CAPS2: variants seen among roughly 807,000 people sequenced by gnomAD.
CAPS2 encodes calcyphosine 2, also known as calcyphosin-2.
In CAPS2, 98 loss-of-function variants were observed where a neutral mutation model predicts 86.5. The ratio of observed to expected loss-of-function variants is 1.13; its 90% CI spans 0.96 to 1.34. The LOEUF is 1.34. CAPS2 is among the 40% of genes most tolerant of loss of function. The pLI is 0.00. For missense variants in CAPS2, 729 were observed against 686.8 expected (o/e 1.06, Z -0.69); for synonymous variants, 210 against 225.1 (o/e 0.93, Z 0.60).
intron 1 of CAPS2, among the ~76,000 whole-genome samples, chr12:75,382,021 ATCTT>A (rs1445332495): frequency 6.6e-6 from 1 of 152,202 alleles, no homozygotes; most frequent in Non-Finnish European, 1.5e-5. Flanking sequence ...AGTAAAGTCT[ATCTT>A]TCTACCTTTC....
intron 1 of CAPS2, among the ~76,000 whole-genome samples, chr12:75,351,147 G>GA (rs1181078001): frequency 6.6e-6 from 1 of 152,132 alleles, no homozygotes; most frequent in African/African-American, 2.4e-5. Flanking sequence ...CAAGATTAGA[G>GA]AAAAAAGGAA....
intron 1 of CAPS2, among the ~76,000 whole-genome samples, chr12:75,339,651 A>G (rs2041970828): frequency 6.6e-6 from 1 of 152,068 alleles, no homozygotes; most frequent in South Asian, 2.1e-4. Flanking sequence ...TTCATCATGA[A>G]ATATTTGCCC....
At chr12:75,284,526 C>T (rs1008543228) in intron 15 of CAPS2, among the ~76,000 whole-genome samples, 6 of 151,970 alleles carry the variant, frequency 3.9e-5, no homozygotes, top group Middle Eastern at 3.2e-3. Context: ...TAGTCATCAT[C>T]CTAAAACAAA....
intron 7 of CAPS2, among the ~76,000 whole-genome samples, chr12:75,309,112 C>G (rs1261877515): frequency 6.6e-6 from 1 of 152,088 alleles, no homozygotes; most frequent in Non-Finnish European, 1.5e-5. Flanking sequence ...GGAGATGACA[C>G]ACAAGCACAC....
chr12:75,321,608 G>GAA, intron 4 of CAPS2, 32 bp from the exon 5 acceptor site: 1 of 1,430,520 alleles, frequency 7.0e-7, no homozygotes, highest in Non-Finnish European at 9.5e-7. Flanking sequence ...CATGCTATCA[G>GAA]AAAAAAAAAG....
At chr12:75,383,628 G>T (rs909871713) in intron 1 of CAPS2, among the ~76,000 whole-genome samples, 2 of 152,150 alleles carry the variant, frequency 1.3e-5, no homozygotes, top group Admixed American at 6.5e-5. Context: ...TATAGATTCA[G>T]CAGGCAGAAA....
intron 1 of CAPS2, chr12:75,347,496 T>G (rs181927291): frequency 1.4e-4 from 63 of 439,518 alleles, no homozygotes; most frequent in African/African-American, 1.1e-3. Flanking sequence ...AGAAAAAATA[T>G]GTAACTAATA....
At chr12:75,279,190 AC>A in intron 16 of CAPS2, 125 bp from the exon 17 acceptor site, 1 of 893,242 alleles carries the variant, frequency 1.1e-6, no homozygotes, top group Non-Finnish European at 1.7e-6. Context: ...TTGTCAAACT[AC>A]CAGCCAATTT....
intron 8 of CAPS2, among the ~76,000 whole-genome samples, chr12:75,300,480 C>T (rs1276295010): frequency 3.7e-5 from 5 of 135,858 alleles, no homozygotes; most frequent in African/African-American, 1.4e-4. Context: ...GGCGTGAACC[C>T]GGGAGGCGGA....
In CAPS2 at chr12:75,325,306, AC is replaced by A; in HGVS notation, c.82-19del. 1.3e-6 allele frequency: 2 copies of A among 1,516,104 alleles called. No individual in the cohort carries two copies. The highest frequency in any genetic ancestry group is 1.2e-5 in the South Asian group (1 of 81,680). 93.9% of individuals were successfully genotyped at this position (1,516,104 alleles called of 1,614,324 possible). Reference sequence around the variant, plus strand: ...CACCTTTGCTTTAATTAAAAAAAAAACTTTTTGAATCAGTATAAATATGAAT... The same window carrying A: ...CACCTTTGCTTTAATTAAAAAAAAAATTTTTGAATCAGTATAAATATGAAT... On this transcript the variant is annotated intron_variant, in intron 1 of 16. Coordinates refer to ENST00000393284, the Ensembl canonical transcript of CAPS2.
At position 75,374,468 on chromosome 12, in the gene CAPS2, A is replaced by G. The variant is rs151056324; in HGVS notation, c.-395+16370T>C. On this transcript the variant is annotated intron_variant, in intron 1 of 5. Coordinates refer to the CAPS2 transcript ENST00000551829. ...ACAGGCCCCATAGCACTGGACCTCT[A>G]GGAATTTCACTGAAGTAGAAGGTCC... 5.3e-5 allele frequency among the ~76,000 whole-genome samples: 8 copies of G among 152,334 alleles called. No homozygotes were observed. The East Asian group carries it at 1.5e-3, about 29-fold the overall frequency.
chr12:75,313,673 G>A (rs1338525825), intron 6 of CAPS2, among the ~76,000 whole-genome samples: 1 of 152,124 alleles, frequency 6.6e-6, no homozygotes, highest in Admixed American at 6.5e-5. Flanking sequence ...AAAAAATTAA[G>A]AGGTCAAAAT....
At chr12:75,305,916 G>T in intron 7 of CAPS2, 1 of 929,346 alleles carries the variant, frequency 1.1e-6, no homozygotes, top group South Asian at 1.4e-5. Flanking sequence ...TCCACACCAT[G>T]AAGTCTGCGC....
At chr12:75,364,316 G>C (rs953700121) in intron 1 of CAPS2, among the ~76,000 whole-genome samples, 2 of 152,180 alleles carry the variant, frequency 1.3e-5, no homozygotes, top group Admixed American at 1.3e-4. Flanking sequence ...CAGATGGTTG[G>C]GGGGCTTAGA....
chr12:75,358,162 C>T (rs2043279929), intron 1 of CAPS2, among the ~76,000 whole-genome samples: 1 of 151,236 alleles, frequency 6.6e-6, no homozygotes, highest in Non-Finnish European at 1.5e-5. Flanking sequence ...ACAGATTTTA[C>T]AAATATTAAA....
At chr12:75,279,403 C>T (rs1483009872) in intron 16 of CAPS2, among the ~76,000 whole-genome samples, 1 of 151,880 alleles carries the variant, frequency 6.6e-6, no homozygotes, top group African/African-American at 2.4e-5. Context: ...AGAGAATAAA[C>T]AGAGGCCCAT....
intron 15 of CAPS2, 52 bp downstream of exon 15, chr12:75,284,909 A>G: frequency 6.8e-7 from 1 of 1,473,454 alleles, no homozygotes; most frequent in Non-Finnish European, 9.3e-7. Context: ...AAAATACTGA[A>G]CCTAACAATC....
intron 7 of CAPS2, 42 bp from the exon 8 acceptor site, chr12:75,304,918 T>G: frequency 1.3e-6 from 2 of 1,587,834 alleles, no homozygotes; most frequent in Non-Finnish European, 1.7e-6. Context: ...AATATGATCA[T>G]GCATTACTTT....
intron 13 of CAPS2, among the ~76,000 whole-genome samples, chr12:75,290,784 T>C (rs2035698036): frequency 1.3e-5 from 2 of 151,852 alleles, no homozygotes; most frequent in Non-Finnish European, 2.9e-5. Flanking sequence ...TAGCCGGGTG[T>C]GGTGGCATGC....
Sources: gnomAD v4.1 joint callset for allele counts (sites outside exome capture counted in the v4.1 genomes callset) on GRCh38, gnomAD v4.1.1 for gene constraint, MANE v1.5 for transcripts, NCBI Gene and HGNC (gene_info 2026-07-23, HGNC 2026-07-21) for gene names.